Variants in DIP2C observed in about 807,000 individuals in gnomAD.
The protein encoded by DIP2C is DIP2 acetate--CoA ligase C (putative).
A neutral mutation model predicts 192.4 loss-of-function variants in DIP2C; 33 were observed. The observed-to-expected ratio is 0.17, with a 90% CI of 0.13 to 0.23. The LOEUF (loss-of-function observed/expected upper bound fraction) is 0.23. Among genes scored for constraint, DIP2C ranks in the 10% least tolerant of loss-of-function variants. The pLI is 1.00. For missense variants in DIP2C, 1,537 were observed against 2,110.1 expected, an observed-to-expected ratio of 0.73 and a Z score of 5.32; for synonymous variants, 979 against 864.1, an observed-to-expected ratio of 1.13 and a Z score of -2.33.
intron 1 of DIP2C, among the ~76,000 whole-genome samples, chr10:566,074 C>T (rs1409073141): frequency 6.6e-6 from 1 of 152,236 alleles, no homozygotes; most frequent in Non-Finnish European, 1.5e-5. Context: ...AAAAAAACCA[C>T]GTATCTCAAC....
rs944529086 is a variant in DIP2C, at chr10:359,388, C to T, written c.2795-1451G>A. ...GCCAGGATTGAAATCTGGAGGAGAA[C>T]GGTCTATGAGCAGATGTCTGGGCTG... On this transcript the variant is annotated intron_variant, in intron 22 of 36. Coordinates refer to ENST00000280886, the MANE Select transcript of DIP2C (RefSeq NM_014974.3). Among the ~76,000 whole-genome samples the T allele has an allele frequency of 1.4e-4, 21 of 152,294 alleles. No homozygotes were observed. The East Asian group carries it at 2.5e-3, about 18-fold the overall frequency.
At chr10:532,819 G>A (rs145187026) in intron 1 of DIP2C, among the ~76,000 whole-genome samples, 13 of 152,010 alleles carry the variant, frequency 8.6e-5, no homozygotes, top group East Asian at 7.8e-4. Context: ...TTGTTCTGTC[G>A]CTCAGGCACA....
At chr10:387,903 A>G in intron 13 of DIP2C, 94 bp from the exon 14 acceptor site, 1 of 1,323,276 alleles carries the variant, frequency 7.6e-7, no homozygotes. Flanking sequence ...CAGGGGAAAT[A>G]ACAGATCTTG....
chr10:278,315 T>C (rs1589369069), intron 36 of DIP2C, among the ~76,000 whole-genome samples: 2 of 152,074 alleles, frequency 1.3e-5, no homozygotes, highest in African/African-American at 4.8e-5. Context: ...TGAGTGGGGG[T>C]GTGTTTCCCA....
intron 1 of DIP2C, among the ~76,000 whole-genome samples, chr10:614,497 T>TC (rs538000571): frequency 0.01 from 1,567 of 151,918 alleles, 32 homozygotes; most frequent in African/African-American, 0.036. Flanking sequence ...GCCTAAGGGA[T>TC]CCCCCCACGA....
intron 32 of DIP2C, among the ~76,000 whole-genome samples, chr10:306,997 A>T (rs1956354460): frequency 6.6e-6 from 1 of 152,124 alleles, no homozygotes; most frequent in Non-Finnish European, 1.5e-5. Context: ...GGGGGTGAGC[A>T]GGTTCTTGCT....
intron 3 of DIP2C, among the ~76,000 whole-genome samples, chr10:449,920 C>CAAAAAAAAAAAAAAAAAAAAAAA (rs59135780): frequency 7.4e-6 from 1 of 135,912 alleles, no homozygotes. Flanking sequence ...TCAACAACAA[C>CAAAAAAAAAAAAAAAAAAAAAAA]AAAAAAAAAA....
chr10:366,236 C>A (rs368806293), intron 19 of DIP2C, 39 bp downstream of exon 19: 29 of 1,605,846 alleles, frequency 1.8e-5, no homozygotes, highest in Non-Finnish European at 2.5e-5. Flanking sequence ...GGAGACGGAG[C>A]CACAGATGGT....
chr10:451,579 G>C (rs1356038379), intron 3 of DIP2C, among the ~76,000 whole-genome samples: 1 of 152,314 alleles, frequency 6.6e-6, no homozygotes, highest in East Asian at 1.9e-4. Flanking sequence ...AAGTGCTTGT[G>C]TTAGAAGCAA....
intron 9 of DIP2C, among the ~76,000 whole-genome samples, chr10:401,913 G>C (rs1381065827): frequency 6.6e-6 from 1 of 150,862 alleles, no homozygotes; most frequent in Non-Finnish European, 1.5e-5. Flanking sequence ...GATTTTACAC[G>C]TGTGGTAGCA....
At chr10:655,787 T>G (rs202075848) in intron 1 of DIP2C, among the ~76,000 whole-genome samples, 8 of 152,080 alleles carry the variant, frequency 5.3e-5, no homozygotes, top group Non-Finnish European at 8.8e-5. Context: ...TTACACTGTT[T>G]CTTCTATTCT....
At chr10:596,440 G>A (rs1247130626) in intron 1 of DIP2C, among the ~76,000 whole-genome samples, 1 of 132,000 alleles carries the variant, frequency 7.6e-6, no homozygotes, top group Admixed American at 8.8e-5. Context: ...AGGTTGCAGT[G>A]AGCCGAGATC....
chr10:287,424 C>T (rs571274282), intron 33 of DIP2C, among the ~76,000 whole-genome samples: 3 of 152,116 alleles, frequency 2.0e-5, no homozygotes, highest in Non-Finnish European at 4.4e-5. Context: ...CACAGAACGT[C>T]TTGGAATAGT....
chr10:345,210 G>C (rs748690290), intron 26 of DIP2C, 100 bp from the exon 27 acceptor site: 356 of 1,169,134 alleles, frequency 3.0e-4, no homozygotes, highest in Admixed American at 6.1e-4. Flanking sequence ...CTAAAACCAT[G>C]TAGCTTTAAC....
intron 1 of DIP2C, among the ~76,000 whole-genome samples, chr10:494,467 G>C (rs1327154796): frequency 2.0e-5 from 3 of 152,222 alleles, no homozygotes; most frequent in African/African-American, 7.2e-5. Context: ...AGTCTCTGCA[G>C]AATCATTTAA....
At chr10:614,964 A>T (rs907112547) in intron 1 of DIP2C, among the ~76,000 whole-genome samples, 2 of 152,210 alleles carry the variant, frequency 1.3e-5, no homozygotes, top group Non-Finnish European at 2.9e-5. Context: ...GACAAGAGAC[A>T]ATGACACCCA....
At chr10:391,135 C>A (rs916063891) in intron 10 of DIP2C, among the ~76,000 whole-genome samples, 1 of 152,232 alleles carries the variant, frequency 6.6e-6, no homozygotes, top group African/African-American at 2.4e-5. Flanking sequence ...TCAGTGCAGG[C>A]TGGCGTTCAG....
intron 24 of DIP2C, among the ~76,000 whole-genome samples, chr10:350,493 C>T (rs950525258): frequency 6.6e-6 from 1 of 151,976 alleles, no homozygotes; most frequent in Non-Finnish European, 1.5e-5. Context: ...ATTTAACAAC[C>T]TCTTCTTTGT....
chr10:363,216 C>T lies in DIP2C; in HGVS notation c.2573G>A (p.Trp858Ter), dbSNP rs763068653. ...PDSTEEDSFQWMSRVLQAIDS... is the reference protein window; with the variant it reads ...PDSTEEDSFQ The stretch of plus-strand genomic sequence containing the variant: ...GGCAACCTGCAGCACACGGCTCATC[C>T]ACTGGAAACTGTCCTCTTCCGTGGA... Residue 858 changes from tryptophan (W) to a stop codon, truncating the protein, a stop_gained, in exon 21 of 37, where the codon TGG becomes TAG. Coordinates refer to ENST00000280886, the MANE Select transcript of DIP2C (RefSeq NM_014974.3). LOFTEE classifies it high-confidence loss of function. This position sits in a 1 kb window ranked among gnomAD's most constrained non-coding sequence, Gnocchi z 5.4. The T allele has an allele frequency of 6.2e-7, 1 of 1,613,714 alleles. No individual in the cohort carries two copies.
Sources: gnomAD v4.1 joint callset for allele counts (sites outside exome capture counted in the v4.1 genomes callset) on GRCh38, gnomAD v4.1.1 for gene constraint, Gnocchi (gnomAD v3.1) non-coding constraint, MANE v1.5 for transcripts, NCBI Gene and HGNC (gene_info 2026-07-23, HGNC 2026-07-21) for gene names.